ADK: variants seen among roughly 807,000 people sequenced by gnomAD.
ADK encodes the protein N6,N6-dimethyladenosine kinase.
ADK carries 24 observed loss-of-function variants against 44.7 expected under a neutral mutation model. That is an observed-to-expected ratio of 0.54 (90% CI 0.39 to 0.76). The LOEUF (loss-of-function observed/expected upper bound fraction) is 0.76, where lower values mean the gene tolerates loss of function less well. Ranked by LOEUF, ADK falls within the 30% of genes least tolerant of loss-of-function variation. The pLI is 0.00. For missense variants in ADK, 321 were observed against 425.1 expected, an observed-to-expected ratio of 0.76 and a Z score of 2.15; for synonymous variants, 128 against 142.6, an observed-to-expected ratio of 0.90 and a Z score of 0.73.
intron 2 of ADK, among the ~76,000 whole-genome samples, chr10:74,217,997 CA>C (rs1844131784): frequency 1.3e-5 from 2 of 152,266 alleles, no homozygotes; most frequent in South Asian, 4.1e-4. Flanking sequence ...AGTTCCTCAC[CA>C]GCAATGGAAC....
intron 6 of ADK, among the ~76,000 whole-genome samples, chr10:74,423,010 C>T (rs200801594): frequency 6.6e-5 from 10 of 152,166 alleles, no homozygotes; most frequent in South Asian, 2.1e-4. Context: ...CCCAAGACCA[C>T]GCCAAACAAG....
At chr10:74,188,641 T>C (rs1842850511) in intron 1 of ADK, among the ~76,000 whole-genome samples, 1 of 152,074 alleles carries the variant, frequency 6.6e-6, no homozygotes, top group Non-Finnish European at 1.5e-5. Context: ...CATGAGCCAC[T>C]GCGCCCGGCC....
chr10:74,336,886 G>C (rs1280583034), intron 4 of ADK, among the ~76,000 whole-genome samples: 1 of 152,038 alleles, frequency 6.6e-6, no homozygotes, highest in Non-Finnish European at 1.5e-5. Flanking sequence ...AAAAAAGTCT[G>C]TACCTGTTCA....
At chr10:74,347,106 CAAAAAAAAAAAA>C (rs58074760) in intron 4 of ADK, among the ~76,000 whole-genome samples, 14 of 92,288 alleles carry the variant, frequency 1.5e-4, no homozygotes, top group African/African-American at 2.1e-4. Flanking sequence ...CACTCTGTCT[CAAAAAAAAAAAA>C]AAAAAAAAAA....
chr10:74,458,331 G>A (rs1477275033), intron 6 of ADK, among the ~76,000 whole-genome samples: 9 of 147,488 alleles, frequency 6.1e-5, no homozygotes, highest in Non-Finnish European at 1.0e-4. Flanking sequence ...AGAGACAGGG[G>A]GTTTTCTATG....
At chr10:74,694,439 G>C (rs1447760951) in intron 10 of ADK, among the ~76,000 whole-genome samples, 1 of 151,386 alleles carries the variant, frequency 6.6e-6, no homozygotes, top group Non-Finnish European at 1.5e-5. Context: ...TCTCTTTAAA[G>C]GTATCATATG....
At chr10:74,522,876 T>C (rs1273877623) in intron 6 of ADK, among the ~76,000 whole-genome samples, 1 of 152,198 alleles carries the variant, frequency 6.6e-6, no homozygotes, top group African/African-American at 2.4e-5. Flanking sequence ...ATTCTTCTAT[T>C]TCTCCAATAG....
At chr10:74,421,728 C>T (rs898356549) in intron 6 of ADK, among the ~76,000 whole-genome samples, 1 of 151,884 alleles carries the variant, frequency 6.6e-6, no homozygotes, top group Non-Finnish European at 1.5e-5. Context: ...TCTTGTAGTG[C>T]CAGAAGGCAA....
At chr10:74,192,215 TTTC>T (rs1191055245) in intron 1 of ADK, among the ~76,000 whole-genome samples, 30 of 152,180 alleles carry the variant, frequency 2.0e-4, no homozygotes, top group African/African-American at 7.0e-4. Context: ...ACCATTTTTT[TTTC>T]TTTTTCTTTC....
At chr10:74,490,975 G>A (rs1280386791) in intron 6 of ADK, among the ~76,000 whole-genome samples, 1 of 152,020 alleles carries the variant, frequency 6.6e-6, no homozygotes, top group Non-Finnish European at 1.5e-5. Context: ...AAATAATTAT[G>A]TACTTCTCTC....
chr10:74,584,646 T>C (rs1851473025), intron 7 of ADK, among the ~76,000 whole-genome samples: 1 of 152,022 alleles, frequency 6.6e-6, no homozygotes, highest in Non-Finnish European at 1.5e-5. Flanking sequence ...CGTTTAGGAG[T>C]TATAGTATTA....
chr10:74,487,463 T>G lies in ADK; in HGVS notation c.556-37793T>G, dbSNP rs990786075. Reference sequence around the variant, plus strand: ...TTATTTTATGAAATATTTCATTTTGTTTTTTTTCTGGGCACTTTAAAATTG... The same window carrying G: ...TTATTTTATGAAATATTTCATTTTGGTTTTTTTCTGGGCACTTTAAAATTG... On this transcript the variant is annotated intron_variant, in intron 6 of 10. Coordinates refer to ENST00000539909, the MANE Select transcript of ADK (RefSeq NM_006721.4). Among the ~76,000 whole-genome samples, 17 of 150,246 alleles carry G rather than the reference T, an allele frequency of 1.1e-4. No individual in the cohort carries two copies. The East Asian group carries it at 3.1e-3, about 27-fold the overall frequency.
rs532903139 is a variant in ADK, at chr10:74,579,979, C to G, written c.727-9303C>G. ...ACATCAGTTGGGGACAATATTAGCT[C>G]TAGATTAAGAGCTGCTCTCATCTCA... On this transcript the variant is annotated intron_variant, in intron 7 of 10. Transcript: ENST00000539909. Among the ~76,000 whole-genome samples the G allele has an allele frequency of 3.9e-5, 6 of 152,276 alleles. No homozygotes were observed. In the East Asian group the frequency reaches 9.6e-4, roughly 24 times the overall value.
intron 3 of ADK, among the ~76,000 whole-genome samples, chr10:74,302,626 C>T (rs1055456285): frequency 6.6e-6 from 1 of 152,008 alleles, no homozygotes; most frequent in Non-Finnish European, 1.5e-5. Context: ...AACCTCGTCT[C>T]TTAACAAAAA....
intron 9 of ADK, among the ~76,000 whole-genome samples, chr10:74,668,876 G>A (rs933382385): frequency 2.2e-5 from 3 of 138,050 alleles, no homozygotes; most frequent in South Asian, 2.5e-4. Context: ...CTACCCACCC[G>A]CCCCCCAAAA....
intron 10 of ADK, among the ~76,000 whole-genome samples, chr10:74,692,173 G>A (rs1460165650): frequency 6.6e-6 from 1 of 152,008 alleles, no homozygotes; most frequent in African/African-American, 2.4e-5. Flanking sequence ...ATATGATTCA[G>A]CCAACAAAAA....
chr10:74,661,104 C>T (rs1030278500), intron 9 of ADK, among the ~76,000 whole-genome samples: 1 of 151,980 alleles, frequency 6.6e-6, no homozygotes, highest in Non-Finnish European at 1.5e-5. Flanking sequence ...GGAATGTGAA[C>T]CCAAGCAGTC....
At chr10:74,407,385 C>G (rs1449977032) in intron 6 of ADK, among the ~76,000 whole-genome samples, 1 of 152,114 alleles carries the variant, frequency 6.6e-6, no homozygotes, top group African/African-American at 2.4e-5. Flanking sequence ...TTGATTTGGA[C>G]CTCTTTTACT....
chr10:74,269,451 A>G (rs1386654128), intron 3 of ADK, among the ~76,000 whole-genome samples: 2 of 152,186 alleles, frequency 1.3e-5, no homozygotes, highest in Non-Finnish European at 2.9e-5. Context: ...CATATAAAGA[A>G]CTTATTTTTA....
Sources: allele counts gnomAD v4.1 joint callset (sites outside exome capture counted in the v4.1 genomes callset), GRCh38; gene constraint gnomAD v4.1.1; transcripts MANE v1.5; gene names NCBI Gene and HGNC (gene_info 2026-07-23, HGNC 2026-07-21).